The following CD81 variants were observed in gnomAD, a reference collection of about 807,000 sequenced individuals.
CD81 encodes CD81 molecule.
In CD81, 10 loss-of-function variants were observed where a neutral mutation model predicts 30.1. The observed-to-expected ratio is 0.33, with a 90% CI of 0.21 to 0.56. The LOEUF (loss-of-function observed/expected upper bound fraction) is 0.56. CD81 is among the 20% of genes least tolerant of loss of function. CD81 has a pLI of 0.89. For missense variants in CD81, 263 were observed against 308.7 expected (o/e 0.85, Z 1.11); for synonymous variants, 147 against 126.4 (o/e 1.16, Z -1.10).
chr11:2,396,616 C>G lies in CD81; in HGVS notation c.562-12C>G, dbSNP rs761859899. Reference sequence around the variant, plus strand: ...CCGGTCCCTGACCACGCGTGCCTGGCCACCCCTGCAGGAGGACTGCCACCA... The same window carrying G: ...CCGGTCCCTGACCACGCGTGCCTGGGCACCCCTGCAGGAGGACTGCCACCA... On this transcript the variant is annotated splice_polypyrimidine_tract_variant and intron_variant, in intron 6 of 7. Coordinates refer to ENST00000263645, the MANE Select transcript of CD81 (RefSeq NM_004356.4). The G allele has an allele frequency of 6.2e-7, 1 of 1,608,962 alleles. No homozygotes were observed. The highest frequency in any genetic ancestry group is 8.5e-7 in the Non-Finnish European group (1 of 1,178,896).
At chr11:2,390,935 A>G (rs1849887262) in intron 2 of CD81, 2 of 230,682 alleles carry the variant, frequency 8.7e-6, no homozygotes, top group Non-Finnish European at 1.7e-5. Flanking sequence ...AGGGGTGGAG[A>G]CGGGGCAGGG....
Position 2,397,247 on chromosome 11 carries a change from C to T in CD81, c.*381C>T. 2.9e-6 allele frequency: 1 copy of T among 350,266 alleles called. No individual in the cohort carries two copies. The highest frequency in any genetic ancestry group is 2.6e-5 in the South Asian group (1 of 37,762). The allele number at this position is 350,266 out of a possible 1,614,324, so 21.7% of individuals were successfully genotyped here. On this transcript the variant is annotated 3_prime_UTR_variant, in exon 8 of 8. Coordinates refer to ENST00000263645, the MANE Select transcript of CD81 (RefSeq NM_004356.4). ...CCCGCCCGTCCTGTGGGCTGCACAG[C>T]TCACCTTGTTCCCTCCTGCCCCGGT... is the stretch of plus-strand genomic sequence containing the variant.
intron 4 of CD81, 28 bp from the exon 5 acceptor site, chr11:2,395,379 GGTTCCCCCT>G: frequency 6.7e-7 from 1 of 1,494,842 alleles, no homozygotes; most frequent in Non-Finnish European, 9.3e-7. Context: ...AGGAGGGGGA[GGTTCCCCCT>G]GTGCATGTGA....
chr11:2,397,077 G>A lies in CD81; in HGVS notation c.*211G>A. The A allele has an allele frequency of 1.6e-6, 1 of 612,798 alleles. No individual in the cohort carries two copies. The highest frequency in any genetic ancestry group is 2.9e-6 in the Non-Finnish European group (1 of 339,892). 38.0% of individuals were successfully genotyped at this position (612,798 alleles called of 1,614,324 possible). On this transcript the variant is annotated 3_prime_UTR_variant, in exon 8 of 8. Coordinates refer to ENST00000263645, the MANE Select transcript of CD81 (RefSeq NM_004356.4). ...CATGTAGGTGGCGTGTATGAGTGGAGACGGGCCTGGGTCTTGGGGACTGGA... is the reference window on the plus strand; with the variant it reads ...CATGTAGGTGGCGTGTATGAGTGGAAACGGGCCTGGGTCTTGGGGACTGGA...
chr11:2,389,534 A>G (rs1554950084), intron 1 of CD81, among the ~76,000 whole-genome samples: 1 of 152,058 alleles, frequency 6.6e-6, no homozygotes, highest in Non-Finnish European at 1.5e-5. Flanking sequence ...CCACCTGGCT[A>G]GAGTTGATTG....
At chr11:2,376,601 C>A (rs1029329328), upstream of CD81, among the ~76,000 whole-genome samples, 1 of 152,174 alleles carries the variant, frequency 6.6e-6, no homozygotes, top group South Asian at 2.1e-4. Flanking sequence ...AGGATGTAGA[C>A]GAAATAGATG....
chr11:2,383,619 C>A (rs530629927), intron 1 of CD81, among the ~76,000 whole-genome samples: 12 of 152,346 alleles, frequency 7.9e-5, no homozygotes, highest in Non-Finnish European at 1.5e-4. Context: ...GTGTGTTTCC[C>A]ATATGTGCAG....
intron 2 of CD81, 84 bp downstream of exon 2, chr11:2,390,610 G>C: frequency 2.0e-6 from 2 of 981,434 alleles, no homozygotes; most frequent in South Asian, 2.6e-5. Context: ...GGGACATGGA[G>C]GGTGAAAGAC....
chr11:2,386,333 C>T (rs56262980), intron 1 of CD81: 6,594 of 623,144 alleles, frequency 0.011, 305 homozygotes, highest in African/African-American at 0.1. Flanking sequence ...CCAGGTCTTT[C>T]GGAGAGCAGG....
intron 6 of CD81, chr11:2,396,220 A>AC (rs1255620355): frequency 6.8e-6 from 4 of 586,608 alleles, no homozygotes; most frequent in East Asian, 2.9e-5. Flanking sequence ...ACTCACCTGC[A>AC]CCCCCAGCTC....
At chr11:2,379,644 C>T (rs76295124) in intron 1 of CD81, among the ~76,000 whole-genome samples, 2,178 of 152,126 alleles carry the variant, frequency 0.014, 43 homozygotes, top group African/African-American at 0.049. Context: ...CTGGGAGTGT[C>T]GCCAGGGCGG....
At chr11:2,382,113 G>A (rs1849714366) in intron 1 of CD81, among the ~76,000 whole-genome samples, 1 of 152,258 alleles carries the variant, frequency 6.6e-6, no homozygotes, top group African/African-American at 2.4e-5. Context: ...CAAGGGTGTG[G>A]AAGGTCAGCT....
At position 2,395,500 on chromosome 11, in the gene CD81, G is replaced by A. The variant is rs1344684646; in HGVS notation, c.439G>A (p.Val147Met). 1 of 1,612,654 alleles carries A rather than the reference G, an allele frequency of 6.2e-7. No individual in the cohort carries two copies. The highest frequency in any genetic ancestry group is 1.1e-5 in the South Asian group (1 of 91,086). ...TGACGCCAACAACGCCAAGGCTGTG[G>A]TGAAGACCTTCCACGAGACGGTGCG... ...DDDANNAKAV[V>M]KTFHETLDCC... Residue 147 changes from valine to methionine, a missense_variant, in exon 5 of 8, where the codon GTG becomes ATG. By Grantham distance (21) the Val-to-Met change is conservative. Coordinates refer to ENST00000263645, the MANE Select transcript of CD81 (RefSeq NM_004356.4).
At chr11:2,387,341 C>A (rs752310085) in intron 1 of CD81, among the ~76,000 whole-genome samples, 14 of 152,324 alleles carry the variant, frequency 9.2e-5, no homozygotes, top group Non-Finnish European at 1.9e-4. Flanking sequence ...TCCACCTGCC[C>A]CACTCTGTCC....
In CD81 at chr11:2,397,391, C is replaced by T; in HGVS notation, c.*525C>T. On this transcript the variant is annotated 3_prime_UTR_variant, in exon 8 of 8. Coordinates refer to ENST00000263645, the MANE Select transcript of CD81 (RefSeq NM_004356.4). ...CATTTAATAAAGAAGGAACATCAGG[C>T]ATGCTACCAGGCCTGTGCAGTCCCT... 4.9e-6 allele frequency: 1 copy of T among 203,942 alleles called. No homozygotes were observed. The highest frequency in any genetic ancestry group is 7.7e-5 in the South Asian group (1 of 13,012). 12.6% of individuals were successfully genotyped at this position (203,942 alleles called of 1,614,324 possible).
Position 2,397,214 on chromosome 11 carries a change from CCA to C in CD81, c.*350_*351del. 2.4e-6 allele frequency: 1 copy of C among 409,944 alleles called. No homozygotes were observed. Among genetic ancestry groups the C allele is most frequent in the Non-Finnish European group, 4.6e-6 (1 of 218,162 alleles). The allele number at this position is 409,944 out of a possible 1,614,324, so 25.4% of individuals were successfully genotyped here. On this transcript the variant is annotated 3_prime_UTR_variant, in exon 8 of 8. Coordinates refer to ENST00000263645, the MANE Select transcript of CD81 (RefSeq NM_004356.4). ...GCTTGGCCAACTTGGGGGGCTGTGT[CCA>C]CCCAGCCCGCCCGTCCTGTGGGCTG...
At chr11:2,388,774 G>A (rs886282944) in intron 1 of CD81, among the ~76,000 whole-genome samples, 3 of 152,112 alleles carry the variant, frequency 2.0e-5, no homozygotes, top group African/African-American at 7.2e-5. Flanking sequence ...TTCATCTCCT[G>A]TCCCCCTGCC....
chr11:2,382,951 C>A (rs1254787482), intron 1 of CD81, among the ~76,000 whole-genome samples: 5 of 152,168 alleles, frequency 3.3e-5, no homozygotes. Flanking sequence ...GCCTCGGGAA[C>A]AGCTGGTCCT....
chr11:2,385,732 G>T (rs1409832833), intron 1 of CD81: 1 of 451,516 alleles, frequency 2.2e-6, no homozygotes, highest in East Asian at 5.1e-5. Context: ...CCCTTCGTCT[G>T]TTCCTTTTAT....
Sources: gnomAD v4.1 joint callset for allele counts (sites outside exome capture counted in the v4.1 genomes callset) on GRCh38, gnomAD v4.1.1 for gene constraint, MANE v1.5 for transcripts, NCBI Gene and HGNC (gene_info 2026-07-23, HGNC 2026-07-21) for gene names.